The following CHST9 variants were observed in gnomAD, a reference collection of about 807,000 sequenced individuals.
The protein encoded by CHST9 is carbohydrate sulfotransferase 9, also known as GalNAc-4-sulfotransferase 2.
Under a neutral mutation model 44.4 loss-of-function variants are expected in CHST9, and 41 were observed. The ratio of observed to expected loss-of-function variants is 0.92; its 90% CI spans 0.72 to 1.20. The LOEUF is 1.20. CHST9 is among the 50% of genes most tolerant of loss of function. The probability of loss-of-function intolerance (pLI) is 0.00; values close to 1 mark genes in which losing one functional copy is unlikely to be tolerated. For missense variants in CHST9, 504 were observed against 516.5 expected (o/e 0.98, Z 0.23); for synonymous variants, 171 against 178.4 (o/e 0.96, Z 0.33).
intron 2 of CHST9, among the ~76,000 whole-genome samples, chr18:27,107,660 T>G (rs1250421802): frequency 6.6e-6 from 1 of 152,172 alleles, no homozygotes; most frequent in Non-Finnish European, 1.5e-5. Flanking sequence ...TAGCCGACAC[T>G]TCTCATGGCA....
intron 5 of CHST9, chr18:26,934,706 T>G (rs1253285392): frequency 6.6e-6 from 1 of 152,232 alleles, no homozygotes; most frequent in Non-Finnish European, 1.5e-5. Flanking sequence ...AAAAATTTCA[T>G]ACCAATTTCC....
chr18:27,151,191 T>C (rs2058656407), intron 1 of CHST9, among the ~76,000 whole-genome samples: 1 of 152,164 alleles, frequency 6.6e-6, no homozygotes, highest in African/African-American at 2.4e-5. Flanking sequence ...AATAACCCCA[T>C]TTTAATCTAT....
intron 4 of CHST9, among the ~76,000 whole-genome samples, chr18:27,008,888 G>GT (rs1029824874): frequency 8.1e-5 from 12 of 148,620 alleles, no homozygotes; most frequent in Non-Finnish European, 1.6e-4. Context: ...GCAGGTTCTT[G>GT]TTTTTTTGGT....
At chr18:27,127,554 C>T (rs1479886554) in intron 2 of CHST9, among the ~76,000 whole-genome samples, 1 of 151,540 alleles carries the variant, frequency 6.6e-6, no homozygotes, top group Non-Finnish European at 1.5e-5. Flanking sequence ...AGTTATGACA[C>T]AAAATTATTC....
intron 2 of CHST9, among the ~76,000 whole-genome samples, chr18:27,113,844 C>T (rs2143789627): frequency 6.6e-6 from 1 of 152,130 alleles, no homozygotes; most frequent in East Asian, 1.9e-4. Context: ...ACTTGAGGTA[C>T]TTAAATTCAA....
At chr18:27,091,769 AC>A in intron 2 of CHST9, among the ~76,000 whole-genome samples, 1 of 152,250 alleles carries the variant, frequency 6.6e-6, no homozygotes, top group East Asian at 1.9e-4. Flanking sequence ...CATATGTTGA[AC>A]CAGCTTTGCA....
At chr18:27,107,742 A>T (rs2058234026) in intron 2 of CHST9, among the ~76,000 whole-genome samples, 1 of 152,180 alleles carries the variant, frequency 6.6e-6, no homozygotes, top group African/African-American at 2.4e-5. Flanking sequence ...AACTTTTCTG[A>T]GTCATTTCAG....
At chr18:26,971,074 A>G (rs1377811907) in intron 4 of CHST9, among the ~76,000 whole-genome samples, 1 of 152,090 alleles carries the variant, frequency 6.6e-6, no homozygotes. Flanking sequence ...CAGTTTTAGG[A>G]TGTATCACCC....
chr18:27,110,450 C>G (rs1369788560), intron 2 of CHST9, among the ~76,000 whole-genome samples: 4 of 152,148 alleles, frequency 2.6e-5, no homozygotes, highest in African/African-American at 7.2e-5. Context: ...AGTGCAGGCC[C>G]CAGGCTAGTT....
chr18:26,932,529 G>A (rs2055897011), intron 5 of CHST9, among the ~76,000 whole-genome samples: 1 of 151,570 alleles, frequency 6.6e-6, no homozygotes, highest in Non-Finnish European at 1.5e-5. Flanking sequence ...GTGGAGCTGT[G>A]TGTGTTAGCT....
chr18:27,181,804 C>T (rs16943374), intron 1 of CHST9, among the ~76,000 whole-genome samples: 10,420 of 152,210 alleles, frequency 0.068, 440 homozygotes, highest in East Asian at 0.15. Flanking sequence ...ATTAAACAGG[C>T]ATACAATCAA....
At chr18:27,042,513 C>T (rs556719625) in intron 3 of CHST9, among the ~76,000 whole-genome samples, 1 of 152,152 alleles carries the variant, frequency 6.6e-6, no homozygotes, top group South Asian at 2.1e-4. Flanking sequence ...GACAGCTTTC[C>T]AGATATTATA....
chr18:26,975,960 C>T lies in CHST9; in HGVS notation c.203-31594G>A, dbSNP rs1327758743. ...ATTGGCCAGTCAGCAGGAGGTGTCC[C>T]CCACCACAGGGAGGAACCAGGAGAA... On this transcript the variant is annotated intron_variant, in intron 4 of 5. Transcript: ENST00000618847. Among the ~76,000 whole-genome samples, 4 of 151,144 alleles carry T rather than the reference C, an allele frequency of 2.6e-5. No homozygotes were observed. In the Admixed American group the frequency reaches 2.7e-4, roughly 10 times the overall value.
chr18:27,160,895 C>A (rs1054062025), intron 1 of CHST9, among the ~76,000 whole-genome samples: 1 of 152,122 alleles, frequency 6.6e-6, no homozygotes, highest in African/African-American at 2.4e-5. Flanking sequence ...AGTTTATTTG[C>A]GTGGAGGTGT....
At chr18:26,959,718 A>G (rs1258498706) in intron 4 of CHST9, among the ~76,000 whole-genome samples, 1 of 152,216 alleles carries the variant, frequency 6.6e-6, no homozygotes, top group Admixed American at 6.5e-5. Context: ...GAGACAAAGC[A>G]AAAATTGTAT....
Position 26,916,488 on chromosome 18 carries a change from C to T in CHST9, c.1103G>A (p.Gly368Glu). 6.2e-7 allele frequency: 1 copy of T among 1,613,762 alleles called. No homozygotes were observed. The highest frequency in any genetic ancestry group is 1.1e-5 in the South Asian group (1 of 91,064). ...YPCLINYDFV[G>E]KFETLEEDAN... ...ATCTTCTTCCAAAGTCTCAAATTTC[C>T]CTACAAAATCATAGTTGATCAAACA... The change falls in exon 6 of 6, where the codon GGG (glycine) becomes GAG (glutamate). Residue 368 changes from glycine (G) to glutamate (E), a missense_variant. Physicochemically the swap from Gly to Glu is moderately conservative, Grantham distance 98 (BLOSUM62 -2). Transcript: ENST00000618847.
rs2055411263 is a variant in CHST9, at chr18:26,909,461, T to C, written c.*6798A>G. ...GGTTAATTCTGATACAGGTCGTCCA[T>C]ACACTATTTTTTTCAGAAATTGATA... On this transcript the variant is annotated 3_prime_UTR_variant, in exon 6 of 6. Transcript: ENST00000618847. The C allele has an allele frequency of 6.6e-6, 1 of 152,206 alleles. No homozygotes were observed. Among genetic ancestry groups the C allele is most frequent in the Non-Finnish European group, 1.5e-5 (1 of 68,040 alleles). The allele number at this position is 152,206 out of a possible 1,614,324, so 9.4% of individuals were successfully genotyped here.
At chr18:26,997,102 T>C (rs971159232) in intron 4 of CHST9, among the ~76,000 whole-genome samples, 3 of 152,262 alleles carry the variant, frequency 2.0e-5, no homozygotes, top group Admixed American at 2.0e-4. Context: ...TGTTTCATTC[T>C]GTGAATTCCA....
intron 4 of CHST9, among the ~76,000 whole-genome samples, chr18:26,947,008 T>C (rs941471508): frequency 3.9e-5 from 6 of 152,190 alleles, no homozygotes; most frequent in African/African-American, 1.4e-4. Flanking sequence ...TGTGCTCTTT[T>C]TTGGTTCCAT....
Sources: gnomAD v4.1 joint callset for allele counts (sites outside exome capture counted in the v4.1 genomes callset) on GRCh38, gnomAD v4.1.1 for gene constraint, MANE v1.5 for transcripts, NCBI Gene and HGNC (gene_info 2026-07-23, HGNC 2026-07-21) for gene names.